LRP2: variants seen among roughly 807,000 people sequenced by gnomAD.
LRP2 encodes low-density lipoprotein receptor-related protein 2.
A neutral mutation model predicts 531.0 loss-of-function variants in LRP2; 172 were observed. That is an observed-to-expected ratio of 0.32 (90% CI 0.29 to 0.37). The LOEUF is 0.37. Among genes scored for constraint, LRP2 ranks in the 10% least tolerant of loss-of-function variants. The pLI, the probability that LRP2 is intolerant of heterozygous loss-of-function variation, is 1.00. For synonymous variants in LRP2, 1,992 were observed against 2,027.6 expected (o/e 0.98, Z 0.47); for missense variants, 5,167 against 5,868.3 (o/e 0.88, Z 3.90).
intron 8 of LRP2, among the ~76,000 whole-genome samples, chr2:169,290,404 G>A (rs946365541): frequency 4.0e-5 from 6 of 150,848 alleles, no homozygotes; most frequent in Admixed American, 3.3e-4. Flanking sequence ...CTGTGTGTGC[G>A]TTAGGGATTA....
chr2:169,226,323 C>G, intron 32 of LRP2, 99 bp downstream of exon 32: 1 of 963,768 alleles, frequency 1.0e-6, no homozygotes, highest in South Asian at 1.4e-5. Flanking sequence ...CATTGTTTCC[C>G]TTTTACTCAC....
chr2:169,159,934 A>G (rs1686510687), intron 63 of LRP2, among the ~76,000 whole-genome samples: 1 of 152,184 alleles, frequency 6.6e-6, no homozygotes, highest in Admixed American at 6.5e-5. Context: ...CCTTAACAAG[A>G]GCAGAAACCA....
At chr2:169,356,968 T>A (rs889219673) in intron 1 of LRP2, among the ~76,000 whole-genome samples, 1 of 152,234 alleles carries the variant, frequency 6.6e-6, no homozygotes, top group Non-Finnish European at 1.5e-5. Flanking sequence ...GTATTGATAC[T>A]ATTGACTCAT....
chr2:169,261,280 A>C (rs1422009348), intron 16 of LRP2, among the ~76,000 whole-genome samples: 1 of 152,050 alleles, frequency 6.6e-6, no homozygotes, highest in Admixed American at 6.6e-5. Flanking sequence ...GTATCATTGA[A>C]GGAGGGAGTT....
intron 33 of LRP2, among the ~76,000 whole-genome samples, chr2:169,223,749 C>A (rs1193817749): frequency 6.6e-6 from 1 of 152,146 alleles, no homozygotes; most frequent in East Asian, 1.9e-4. Flanking sequence ...GAGTTTGAAC[C>A]AGAGGAGCCT....
At chr2:169,136,394 G>C (rs528610586) in intron 76 of LRP2, among the ~76,000 whole-genome samples, 3 of 151,922 alleles carry the variant, frequency 2.0e-5, no homozygotes, top group Admixed American at 6.6e-5. Context: ...AGGCAGGAAT[G>C]TCAGGCCTCT....
At chr2:169,224,241 T>C (rs944051260) in intron 33 of LRP2, among the ~76,000 whole-genome samples, 46 of 152,348 alleles carry the variant, frequency 3.0e-4, no homozygotes, top group African/African-American at 1.1e-3. Flanking sequence ...CAGTGGATTG[T>C]CAGGGCTCTG....
chr2:169,170,567 T>C lies in LRP2; in HGVS notation c.11364A>G (p.Ser3788=). 6.2e-7 allele frequency: 1 copy of C among 1,613,906 alleles called. No individual in the cohort carries two copies. Among genetic ancestry groups the C allele is most frequent in the Non-Finnish European group, 8.5e-7 (1 of 1,179,744 alleles). Reference sequence around the variant, plus strand: ...GACAGTTACCACAGTCCCGTTCATCTGAGTTGTCCCCACAGTCGTTGTAAT... The same window carrying C: ...GACAGTTACCACAGTCCCGTTCATCCGAGTTGTCCCCACAGTCGTTGTAAT... The part of the protein sequence containing the change: ...CDHYNDCGDN[S]DERDCEMRTC... Residue 3788 remains serine (S), a synonymous_variant, in exon 59 of 79, where the codon TCA becomes TCG. Coordinates refer to ENST00000649046, the MANE Select transcript of LRP2 (RefSeq NM_004525.3).
At chr2:169,282,176 C>G (rs1683721323) in intron 10 of LRP2, among the ~76,000 whole-genome samples, 1 of 152,144 alleles carries the variant, frequency 6.6e-6, no homozygotes, top group Admixed American at 6.5e-5. Context: ...ATTCTTCAGT[C>G]ATGGGAGCAG....
At chr2:169,321,429 CG>C (rs1414145871) in intron 1 of LRP2, among the ~76,000 whole-genome samples, 1 of 147,288 alleles carries the variant, frequency 6.8e-6, no homozygotes, top group African/African-American at 2.5e-5. Context: ...AAAACAAGGA[CG>C]TAAATTTTTA....
At chr2:169,233,626 A>T (rs1286094990) in intron 29 of LRP2, 38 bp from the exon 30 acceptor site, 3 of 1,593,132 alleles carry the variant, frequency 1.9e-6, no homozygotes, top group Non-Finnish European at 2.6e-6. Flanking sequence ...CTCATCCAAA[A>T]ATCAAAGCCA....
intron 2 of LRP2, among the ~76,000 whole-genome samples, chr2:169,319,382 G>A (rs1289422562): frequency 7.2e-5 from 11 of 152,010 alleles, no homozygotes; most frequent in African/African-American, 2.7e-4. Context: ...CATAAAATGG[G>A]GACTATACTC....
chr2:169,264,764 C>A (rs1173433731), intron 16 of LRP2, among the ~76,000 whole-genome samples: 1 of 152,030 alleles, frequency 6.6e-6, no homozygotes, highest in Non-Finnish European at 1.5e-5. Context: ...GGGCGAGGAA[C>A]TAAGGGGCTC....
At chr2:169,162,450 A>G (rs769256240) in intron 63 of LRP2, 22 bp downstream of exon 63, 3 of 1,613,832 alleles carry the variant, frequency 1.9e-6, no homozygotes, top group Non-Finnish European at 1.7e-6. Context: ...ACAATGAACT[A>G]TAAAAACAAG....
intron 16 of LRP2, among the ~76,000 whole-genome samples, chr2:169,265,983 T>TG (rs1163571645): frequency 6.6e-6 from 1 of 151,992 alleles, no homozygotes; most frequent in African/African-American, 2.4e-5. Context: ...TTAGAGCATT[T>TG]GGGGAAAATA....
intron 17 of LRP2, among the ~76,000 whole-genome samples, chr2:169,257,836 A>C (rs140324163): frequency 2.5e-3 from 358 of 143,234 alleles, no homozygotes; most frequent in African/African-American, 6.7e-3. Flanking sequence ...AAAAAAAAAA[A>C]ACACAAAAAA....
Position 169,244,900 on chromosome 2 carries a change from CACAGGTGAACGCCGAAGATGA to C in LRP2, c.3202_3222del (p.Ser1068_Cys1074del). ...TGTGCAGGAATGCACTCCCCATGGC[CACAGGTGAACGCCGAAGATGA>C]ACAGGTATTATCTACAATAGTAACA... is the stretch of plus-strand genomic sequence containing the variant. On this transcript the variant is annotated inframe_deletion, in exon 22 of 79. Transcript: ENST00000649046. The C allele has an allele frequency of 6.2e-7, 1 of 1,614,240 alleles. No homozygotes were observed. The highest frequency in any genetic ancestry group is 8.5e-7 in the Non-Finnish European group (1 of 1,180,046).
intron 8 of LRP2, 72 bp downstream of exon 8, chr2:169,290,773 T>C (rs1321924376): frequency 9.3e-6 from 14 of 1,497,490 alleles, no homozygotes; most frequent in Non-Finnish European, 1.2e-5. Flanking sequence ...AGATACACTG[T>C]ATTTGAACGT....
intron 1 of LRP2, among the ~76,000 whole-genome samples, chr2:169,324,593 C>T (rs1037719067): frequency 2.0e-5 from 3 of 148,562 alleles, no homozygotes; most frequent in African/African-American, 7.5e-5. Context: ...TAGGAATAAA[C>T]TTGTTTTCCA....
Sources: gnomAD v4.1 joint callset for allele counts (sites outside exome capture counted in the v4.1 genomes callset) on GRCh38, gnomAD v4.1.1 for gene constraint, MANE v1.5 for transcripts, NCBI Gene and HGNC (gene_info 2026-07-23, HGNC 2026-07-21) for gene names.